U2AF2: variants seen among roughly 807,000 people sequenced by gnomAD.
The protein encoded by U2AF2 is U2 small nuclear RNA auxiliary factor 2.
U2AF2 carries 6 observed loss-of-function variants against 52.6 expected under a neutral mutation model. The ratio of observed to expected loss-of-function variants is 0.11; its 90% CI spans 0.06 to 0.23. The LOEUF is 0.23. Among genes scored for constraint, U2AF2 ranks in the 10% least tolerant of loss-of-function variants. The probability of loss-of-function intolerance (pLI) is 1.00; values close to 1 mark genes in which losing one functional copy is unlikely to be tolerated. For missense variants in U2AF2, 222 were observed against 677.1 expected (o/e 0.33, Z 7.46); for synonymous variants, 284 against 258.2 (o/e 1.10, Z -0.96).
intron 4 of U2AF2, 32 bp downstream of exon 4, chr19:55,660,651 G>A (rs1254765239): frequency 5.6e-6 from 9 of 1,593,558 alleles, no homozygotes; most frequent in African/African-American, 4.0e-5. Flanking sequence ...TCCCAGAGCG[G>A]GAGGGTACAG....
rs1983678038 is a variant in U2AF2, at chr19:55,655,039, G to A, written c.-66G>A. The A allele has an allele frequency of 2.6e-5, 42 of 1,589,276 alleles. No individual in the cohort carries two copies. In the South Asian group the frequency reaches 4.2e-4, roughly 16 times the overall value. On this transcript the variant is annotated 5_prime_UTR_variant, in exon 1 of 12. Transcript: ENST00000308924. ...GCCGAAGCCAGCGGCGGAAGTAGCC[G>A]AAGCGGCTGGAGCGGGCGGCAAGGC...
intron 1 of U2AF2, among the ~76,000 whole-genome samples, chr19:55,657,855 T>G (rs1221883700): frequency 1.3e-5 from 2 of 152,214 alleles, no homozygotes; most frequent in Non-Finnish European, 2.9e-5. Flanking sequence ...TTGTGATCTC[T>G]CTATACCTTA....
chr19:55,673,235 G>C (rs1985037312), intron 11 of U2AF2, among the ~76,000 whole-genome samples: 1 of 151,970 alleles, frequency 6.6e-6, no homozygotes, highest in African/African-American at 2.4e-5. Flanking sequence ...ATTTTTTATA[G>C]TTTGTTTCAG....
intron 6 of U2AF2, among the ~76,000 whole-genome samples, chr19:55,662,985 T>C (rs995908342): frequency 1.3e-5 from 2 of 152,100 alleles, no homozygotes; most frequent in Non-Finnish European, 2.9e-5. Flanking sequence ...CTAACTAGTC[T>C]TCTGTTACCC....
At chr19:55,666,324 C>G (rs566657893) in intron 7 of U2AF2, among the ~76,000 whole-genome samples, 1 of 152,236 alleles carries the variant, frequency 6.6e-6, no homozygotes, top group Non-Finnish European at 1.5e-5. Flanking sequence ...TTTGTAGATG[C>G]AGCCGCTGCA....
Position 55,657,342 on chromosome 19 carries a change from C to T in U2AF2, c.50-1868C>T, listed in dbSNP as rs774830408. 7.2e-5 allele frequency among the ~76,000 whole-genome samples: 11 copies of T among 152,340 alleles called. No homozygotes were observed. In the East Asian group the frequency reaches 1.3e-3, roughly 19 times the overall value. On this transcript the variant is annotated intron_variant, in intron 1 of 11. Coordinates refer to ENST00000308924, the MANE Select transcript of U2AF2 (RefSeq NM_007279.3). ...CTTGCCATAGGGGAAGCTCTGCCCG[C>T]GTGTCACTGCCTGTAGTCTTTGTCT...
chr19:55,661,861 C>G (rs971553522), intron 5 of U2AF2: 1 of 152,520 alleles, frequency 6.6e-6, no homozygotes, highest in Non-Finnish European at 1.5e-5. Flanking sequence ...CTTTCTCAAC[C>G]TGCACTTTGC....
chr19:55,663,299 C>G (rs916692132), intron 6 of U2AF2, among the ~76,000 whole-genome samples: 1 of 152,190 alleles, frequency 6.6e-6, no homozygotes, highest in African/African-American at 2.4e-5. Flanking sequence ...TGTCATCTCC[C>G]CGTTCAACTA....
intron 1 of U2AF2, among the ~76,000 whole-genome samples, chr19:55,658,310 C>T (rs1200997820): frequency 6.8e-6 from 1 of 146,698 alleles, no homozygotes; most frequent in Admixed American, 6.9e-5. Flanking sequence ...CCCCCCCATG[C>T]TCATGGTTTA....
At chr19:55,666,367 T>G (rs867702477) in intron 7 of U2AF2, among the ~76,000 whole-genome samples, 3 of 152,352 alleles carry the variant, frequency 2.0e-5, no homozygotes, top group Admixed American at 1.3e-4. Context: ...CGCCCAACTC[T>G]TGGAACATCC....
intron 7 of U2AF2, 137 bp downstream of exon 7, chr19:55,663,881 C>A: frequency 7.7e-7 from 1 of 1,301,372 alleles, no homozygotes; most frequent in Non-Finnish European, 1.0e-6. Context: ...CCCTGCTTCC[C>A]CTAAGTCTCT....
intron 5 of U2AF2, 75 bp downstream of exon 5, chr19:55,661,264 C>T: frequency 5.0e-6 from 7 of 1,390,586 alleles, no homozygotes; most frequent in Non-Finnish European, 6.6e-6. Context: ...CATTCCCTTT[C>T]CCCAACCTGC....
At chr19:55,662,699 G>T in intron 6 of U2AF2, 81 bp downstream of exon 6, 1 of 1,285,844 alleles carries the variant, frequency 7.8e-7, no homozygotes, top group South Asian at 1.3e-5. Flanking sequence ...GTGTGGAGCT[G>T]CCTTGTGCTG....
intron 1 of U2AF2, among the ~76,000 whole-genome samples, chr19:55,658,577 C>A (rs1983949808): frequency 1.3e-5 from 2 of 152,130 alleles, no homozygotes. Flanking sequence ...GGGGCAAGCT[C>A]CTCCCCTGAC....
In U2AF2 at chr19:55,669,080, C is replaced by T; in HGVS notation, c.946-3C>T. On this transcript the variant is annotated splice_region_variant and splice_polypyrimidine_tract_variant and intron_variant, in intron 9 of 11. Transcript: ENST00000308924. ...CCCCCGACCCCTCATCCTCCAAACA[C>T]AGGCCATTGCGGGGCTGAACGGCAT... 1 of 1,612,580 alleles carries T rather than the reference C, an allele frequency of 6.2e-7. No individual in the cohort carries two copies. The highest frequency in any genetic ancestry group is 8.5e-7 in the Non-Finnish European group (1 of 1,179,702).
At chr19:55,655,626 G>C (rs924720429) in intron 1 of U2AF2, among the ~76,000 whole-genome samples, 1 of 152,232 alleles carries the variant, frequency 6.6e-6, no homozygotes, top group African/African-American at 2.4e-5. Flanking sequence ...AACTTGGTGG[G>C]GGGGCCCCTT....
chr19:55,661,279 G>T, intron 5 of U2AF2, 90 bp downstream of exon 5: 1 of 1,313,060 alleles, frequency 7.6e-7, no homozygotes, highest in East Asian at 3.0e-5. Flanking sequence ...ACCTGCACGG[G>T]TCAGACTCTG....
intron 11 of U2AF2, chr19:55,670,750 G>T: frequency 5.1e-6 from 1 of 194,274 alleles, no homozygotes; most frequent in South Asian, 7.6e-5. Context: ...AGCCAGATGG[G>T]AGGGAAGCAA....
intron 7 of U2AF2, among the ~76,000 whole-genome samples, chr19:55,664,675 A>G (rs563395307): frequency 3.9e-5 from 6 of 152,300 alleles, no homozygotes; most frequent in African/African-American, 1.4e-4. Flanking sequence ...TGTGTCAGGC[A>G]GGACTTGGGC....
Sources: gnomAD v4.1 joint callset for allele counts (sites outside exome capture counted in the v4.1 genomes callset) on GRCh38, gnomAD v4.1.1 for gene constraint, MANE v1.5 for transcripts, NCBI Gene and HGNC (gene_info 2026-07-23, HGNC 2026-07-21) for gene names.